AKAP9: variants seen among roughly 807,000 people sequenced by gnomAD.
AKAP9 encodes A-kinase anchoring protein 9, also known as A-kinase anchor protein 9.
In AKAP9, 311 loss-of-function variants were observed where a neutral mutation model predicts 488.5. That is an observed-to-expected ratio of 0.64 (90% CI 0.58 to 0.70). The LOEUF is 0.70. Ranked by LOEUF, AKAP9 falls within the 30% of genes least tolerant of loss-of-function variation. AKAP9 has a pLI of 0.00. For missense variants in AKAP9, 4,215 were observed against 4,374.5 expected, an observed-to-expected ratio of 0.96 and a Z score of 1.03; for synonymous variants, 1,462 against 1,483.5, an observed-to-expected ratio of 0.99 and a Z score of 0.33.
In AKAP9 at chr7:92,000,966, A is replaced by G. The variant is rs375521344; in HGVS notation, c.1049A>G (p.Asp350Gly). Residue 350 changes from aspartate (D) to glycine (G), a missense_variant, in exon 8 of 50, where the codon GAT becomes GGT. Asp to Gly is a moderately conservative substitution (Grantham distance 94). Transcript: ENST00000356239. ...GAAAAGAAAACTCTTGAGCTAAAGG[A>G]TAAATTAACAACTGCTGATAAATTA... is the stretch of plus-strand genomic sequence containing the variant. ...EEEKKTLELK[D>G]KLTTADKLLG... 3.3e-6 allele frequency: 5 copies of G among 1,530,264 alleles called. No homozygotes were observed. The African/African-American group carries it at 5.6e-5, about 17-fold the overall frequency. 94.8% of individuals were successfully genotyped at this position (1,530,264 alleles called of 1,614,324 possible).
rs764336944 is a variant in AKAP9, at chr7:92,082,507, TC to T, written c.8020-13del. Reference sequence around the variant, plus strand: ...TTTTAAATTATGTGTTTCTTGTGTTTCCGCTGTCATTCAGACAACTACTGAG... The same window carrying T: ...TTTTAAATTATGTGTTTCTTGTGTTTCGCTGTCATTCAGACAACTACTGAG... On this transcript the variant is annotated splice_polypyrimidine_tract_variant and intron_variant, in intron 31 of 49. Coordinates refer to ENST00000356239, the MANE Select transcript of AKAP9 (RefSeq NM_005751.5). 13 of 1,612,804 alleles carry T rather than the reference TC, an allele frequency of 8.1e-6. No individual in the cohort carries two copies. Among genetic ancestry groups the T allele is most frequent in the African/African-American group, 4.0e-5 (3 of 74,892 alleles).
chr7:92,027,731 C>A (rs1425795965), intron 14 of AKAP9, among the ~76,000 whole-genome samples: 1 of 149,858 alleles, frequency 6.7e-6, no homozygotes, highest in African/African-American at 2.5e-5. Flanking sequence ...TCTGCCTGGC[C>A]GCTGTGCAAT....
In AKAP9 at chr7:92,097,072, G is replaced by A; in HGVS notation, c.10113G>A (p.Leu3371=). The part of the protein sequence containing the change: ...ELLNETEKYK[L]DSLQTRQQME... ...TAAATGAGACTGAAAAATATAAACT[G>A]GATTCTTTGCAAACACGACAGCAAA... The change falls in exon 41 of 50, where the codon CTG becomes CTA. Residue 3371 remains leucine, a synonymous_variant. Transcript: ENST00000356239. 6.2e-7 allele frequency: 1 copy of A among 1,614,118 alleles called. No homozygotes were observed. Among genetic ancestry groups the A allele is most frequent in the Non-Finnish European group, 8.5e-7 (1 of 1,180,028 alleles).
At chr7:92,057,587 T>C (rs927093134) in intron 22 of AKAP9, 1 of 187,728 alleles carries the variant, frequency 5.3e-6, no homozygotes, top group Non-Finnish European at 1.1e-5. Flanking sequence ...TGGCTCAGCA[T>C]GAGAGGCTAT....
At chr7:91,953,651 A>G (rs949426219) in intron 1 of AKAP9, among the ~76,000 whole-genome samples, 1 of 152,288 alleles carries the variant, frequency 6.6e-6, no homozygotes, top group South Asian at 2.1e-4. Flanking sequence ...AGCATAGAGG[A>G]TTAAGCTATA....
chr7:91,948,676 A>C (rs1027884576), intron 1 of AKAP9, among the ~76,000 whole-genome samples: 3 of 147,416 alleles, frequency 2.0e-5, no homozygotes, highest in Non-Finnish European at 3.0e-5. Context: ...CAATGGCGCA[A>C]CCTCAGCTCA....
intron 1 of AKAP9, among the ~76,000 whole-genome samples, chr7:91,954,436 C>T (rs1792681386): frequency 6.6e-6 from 1 of 152,138 alleles, no homozygotes; most frequent in African/African-American, 2.4e-5. Flanking sequence ...AGGTACACAC[C>T]ACCATGCCCA....
At chr7:92,110,057 G>A (rs373702796) in intron 49 of AKAP9, 65 bp from the exon 50 acceptor site, 12 of 1,198,812 alleles carry the variant, frequency 1.0e-5, no homozygotes, top group Non-Finnish European at 1.5e-5. Flanking sequence ...TGTGAACTCT[G>A]GTGGGTCTGA....
At chr7:92,096,219 A>C (rs984218679) in intron 40 of AKAP9, among the ~76,000 whole-genome samples, 7 of 152,090 alleles carry the variant, frequency 4.6e-5, no homozygotes, top group Admixed American at 2.0e-4. Context: ...ATGATTATGC[A>C]CTAACTACTG....
intron 16 of AKAP9, among the ~76,000 whole-genome samples, chr7:92,032,321 A>C (rs917615322): frequency 6.6e-6 from 1 of 151,988 alleles, no homozygotes; most frequent in African/African-American, 2.4e-5. Flanking sequence ...ACGTGGAGAA[A>C]CCCTGGCTCT....
intron 1 of AKAP9, among the ~76,000 whole-genome samples, chr7:91,966,259 CA>C (rs905460909): frequency 6.6e-6 from 1 of 150,984 alleles, no homozygotes; most frequent in Admixed American, 6.6e-5. Flanking sequence ...AGATCTTAGA[CA>C]AAAAAAAACT....
rs1422124687 is a variant in AKAP9 at position 91,941,108 on chromosome 7, C to T, written c.9C>T (p.Asp3=). 6.2e-7 allele frequency: 1 copy of T among 1,613,952 alleles called. No homozygotes were observed. Among genetic ancestry groups the T allele is most frequent in the Admixed American group, 1.7e-5 (1 of 60,014 alleles). ME[D]EERQKKLEAG... ...CCTTCCTTGCAGAGGCCATGGAGGACGAGGAGAGACAGAAGAAGCTGGAGG... is the reference window on the plus strand; with the variant it reads ...CCTTCCTTGCAGAGGCCATGGAGGATGAGGAGAGACAGAAGAAGCTGGAGG... The change falls in exon 1 of 50, where the codon GAC becomes GAT. Residue 3 remains aspartate (D), a synonymous_variant. Coordinates refer to ENST00000356239, the MANE Select transcript of AKAP9 (RefSeq NM_005751.5).
intron 7 of AKAP9, among the ~76,000 whole-genome samples, chr7:91,999,258 C>T (rs1798824154): frequency 1.3e-5 from 2 of 152,126 alleles, no homozygotes; most frequent in Non-Finnish European, 2.9e-5. Context: ...CAGAGTCTCG[C>T]TCTGTCTCCC....
intron 3 of AKAP9, among the ~76,000 whole-genome samples, chr7:91,982,296 C>A (rs533700668): frequency 6.6e-6 from 1 of 151,978 alleles, no homozygotes; most frequent in Non-Finnish European, 1.5e-5. Context: ...CACCCATCAA[C>A]TCGTCATTTA....
In AKAP9 at chr7:92,001,346, T is replaced by A. The variant is rs1299382508; in HGVS notation, c.1429T>A (p.Ser477Thr). ...GGGAGAAATGGAGAATGCTTTAAGG[T>A]CATATTCAAATATTACAGTTAATGA... is the stretch of plus-strand genomic sequence containing the variant. ...HKGEMENALRSYSNITVNEDQ... is the reference protein window; with the variant it reads ...HKGEMENALRTYSNITVNEDQ... The change falls in exon 8 of 50, where the codon TCA (serine) becomes ACA (threonine). Residue 477 changes from serine to threonine, a missense_variant. Physicochemically the swap from Ser to Thr is moderately conservative, Grantham distance 58. Transcript: ENST00000356239. 6.2e-7 allele frequency: 1 copy of A among 1,613,852 alleles called. No homozygotes were observed. The highest frequency in any genetic ancestry group is 8.5e-7 in the Non-Finnish European group (1 of 1,179,804).
rs773891725 is a variant in AKAP9, at chr7:92,107,419, A to G, written c.11543A>G (p.Asn3848Ser). ...ATTAGGTCCCCTTTACCATTTCAGA[A>G]TAGGTAAGAATATGAGAAAACCTGC... ...DYIRSPLPFQ[N>S]RYPGTPADFN... Residue 3848 changes from asparagine (N) to serine (S), a missense_variant, in exon 48 of 50, where the codon AAT (asparagine) becomes AGT (serine). This residue lies in a region of AKAP9 where 253 missense variants were observed against 266.8 expected (regional missense o/e 0.95). Coordinates refer to ENST00000356239, the MANE Select transcript of AKAP9 (RefSeq NM_005751.5). The G allele has an allele frequency of 3.1e-6, 5 of 1,613,446 alleles. No individual in the cohort carries two copies. The African/African-American group carries it at 5.3e-5, about 17-fold the overall frequency.
chr7:91,990,098 G>A (rs1002734027), intron 3 of AKAP9, among the ~76,000 whole-genome samples: 2 of 151,998 alleles, frequency 1.3e-5, no homozygotes, highest in Non-Finnish European at 2.9e-5. Flanking sequence ...AATGCAGAAA[G>A]AATACATTAA....
At chr7:91,942,073 C>G (rs2130427569) in intron 1 of AKAP9, among the ~76,000 whole-genome samples, 1 of 152,278 alleles carries the variant, frequency 6.6e-6, no homozygotes, top group African/African-American at 2.4e-5. Context: ...TGTCTGGGCT[C>G]AAAAGCCCCC....
intron 16 of AKAP9, among the ~76,000 whole-genome samples, chr7:92,035,643 A>C (rs1805070728): frequency 6.6e-6 from 1 of 152,212 alleles, no homozygotes; most frequent in African/African-American, 2.4e-5. Context: ...TAGGCAGTCC[A>C]CCCAGTTAGG....
Sources: allele counts gnomAD v4.1 joint callset (sites outside exome capture counted in the v4.1 genomes callset), GRCh38; gene constraint gnomAD v4.1.1; regional missense constraint gnomAD v4.1.1; transcripts MANE v1.5; gene names NCBI Gene and HGNC (gene_info 2026-07-23, HGNC 2026-07-21).